CEP68: variants seen among roughly 807,000 people sequenced by gnomAD.
CEP68 encodes the protein centrosomal protein 68, also known as centrosomal protein of 68 kDa.
Under a neutral mutation model 55.3 loss-of-function variants are expected in CEP68, and 26 were observed. That is an observed-to-expected ratio of 0.47 (90% CI 0.34 to 0.65). The LOEUF (loss-of-function observed/expected upper bound fraction) is 0.65. CEP68 is among the 30% of genes least tolerant of loss of function. The pLI, the probability that CEP68 is intolerant of heterozygous loss-of-function variation, is 0.01. For missense variants in CEP68, 957 were observed against 946.7 expected (o/e 1.01, Z -0.14); for synonymous variants, 402 against 383.2 (o/e 1.05, Z -0.57).
intron 1 of CEP68, among the ~76,000 whole-genome samples, chr2:65,063,221 A>G (rs1435398629): frequency 6.6e-5 from 10 of 152,232 alleles, no homozygotes; most frequent in Non-Finnish European, 8.8e-5. Flanking sequence ...TTTAATAGCA[A>G]AGTCCAGATG....
At chr2:65,056,569 C>CT (rs1371725409) in intron 1 of CEP68, 41 bp downstream of exon 1, 1 of 388 alleles carries the variant, frequency 2.6e-3, no homozygotes, top group African/African-American at 0.083. Context: ...GTCGGGGGTG[C>CT]CGCGGCGCTG....
In CEP68 at chr2:65,061,307, A is replaced by C. The variant is rs561650323; in HGVS notation, c.-47+4779A>C. On this transcript the variant is annotated intron_variant, in intron 1 of 6. Coordinates refer to ENST00000377990, the MANE Select transcript of CEP68 (RefSeq NM_015147.3). ...AGTGAGTGAGAAGGCGAGGGAACAG[A>C]CAGCCAAGCAGCCTAGCCCACAGCC... 7.9e-5 allele frequency among the ~76,000 whole-genome samples: 12 copies of C among 152,360 alleles called. No homozygotes were observed. The East Asian group carries it at 1.9e-3, about 24-fold the overall frequency.
Position 65,072,753 on chromosome 2 carries a change from G to A in CEP68, c.1657G>A (p.Gly553Ser). The A allele has an allele frequency of 6.2e-7, 1 of 1,614,114 alleles. No homozygotes were observed. Among genetic ancestry groups the A allele is most frequent in the Non-Finnish European group, 8.5e-7 (1 of 1,180,014 alleles). ...AALQGSGDPE[G>S]QNPCFLRSFV... The stretch of plus-strand genomic sequence containing the variant: ...CCTCCAAGGATCTGGGGATCCTGAG[G>A]GCCAGAATCCCTGTTTCCTGCGCTC... The change falls in exon 3 of 7, where the codon GGC becomes AGC. Residue 553 changes from glycine (G) to serine (S), a missense_variant. Physicochemically the swap from Gly to Ser is moderately conservative, Grantham distance 56 (BLOSUM62 0). Coordinates refer to ENST00000377990, the MANE Select transcript of CEP68 (RefSeq NM_015147.3).
rs1216939459 is a variant in CEP68 at position 65,082,679 on chromosome 2, A to G, written c.2248A>G (p.Met750Val). The change falls in exon 6 of 7, where the codon ATG becomes GTG. Residue 750 changes from methionine to valine, a missense_variant. Transcript: ENST00000377990. ...CCCTGACAAAAAGCCCATGGCGGCA[A>G]TGGAGCACCCATGTGAAGGGGTTTA... ...LIPDKKPMAA[M>V]EHPCEGV 1.9e-6 allele frequency: 3 copies of G among 1,601,496 alleles called. No homozygotes were observed. Among genetic ancestry groups the G allele is most frequent in the African/African-American group, 1.4e-5 (1 of 74,072 alleles).
intron 4 of CEP68, chr2:65,074,865 A>G: frequency 4.0e-6 from 1 of 253,060 alleles, no homozygotes. Flanking sequence ...TTATAAATAC[A>G]GACTTGCACT....
chr2:65,068,287 T>C (rs2103765107), intron 1 of CEP68, among the ~76,000 whole-genome samples: 1 of 152,336 alleles, frequency 6.6e-6, no homozygotes, highest in Non-Finnish European at 1.5e-5. Flanking sequence ...CTGAGGGTGA[T>C]GTCCCTCTGT....
intron 1 of CEP68, among the ~76,000 whole-genome samples, chr2:65,063,912 T>A (rs1012914856): frequency 1.3e-5 from 2 of 152,248 alleles, no homozygotes; most frequent in Non-Finnish European, 2.9e-5. Context: ...CAGTTTTGAA[T>A]GCATTATAGA....
intron 1 of CEP68, among the ~76,000 whole-genome samples, chr2:65,066,915 CAG>C (rs1676216673): frequency 6.8e-6 from 1 of 147,676 alleles, no homozygotes; most frequent in Non-Finnish European, 1.5e-5. Context: ...GCCTGGGCAA[CAG>C]AGTGAGACTC....
intron 2 of CEP68, 93 bp downstream of exon 2, chr2:65,069,894 A>G: frequency 8.8e-7 from 1 of 1,141,704 alleles, no homozygotes; most frequent in Non-Finnish European, 1.3e-6. Context: ...TTTCCTTGCT[A>G]CTGTGCAGGG....
At position 65,086,309 on chromosome 2, in the gene CEP68, A is replaced by C. The variant is rs1669026392; in HGVS notation, c.*2675A>C. On this transcript the variant is annotated 3_prime_UTR_variant, in exon 7 of 7. Coordinates refer to ENST00000377990, the MANE Select transcript of CEP68 (RefSeq NM_015147.3). ...GTAAACTAATTTATGGCAGCACCTTATATTTAGAACAAGTGGTAATTCCCT... is the reference window on the plus strand; with the variant it reads ...GTAAACTAATTTATGGCAGCACCTTCTATTTAGAACAAGTGGTAATTCCCT... 1 of 152,226 alleles carries C rather than the reference A, an allele frequency of 6.6e-6. No homozygotes were observed. Among genetic ancestry groups the C allele is most frequent in the African/African-American group, 2.4e-5 (1 of 41,454 alleles). The allele number at this position is 152,226 out of a possible 1,614,324, so 9.4% of individuals were successfully genotyped here.
At chr2:65,065,937 C>G (rs187890074) in intron 1 of CEP68, among the ~76,000 whole-genome samples, 26 of 144,164 alleles carry the variant, frequency 1.8e-4, no homozygotes, top group Non-Finnish European at 3.0e-4. Flanking sequence ...GCCTAGGTGA[C>G]AAACCGAGAC....
chr2:65,076,872 G>C (rs1676786954), intron 4 of CEP68, among the ~76,000 whole-genome samples: 1 of 151,942 alleles, frequency 6.6e-6, no homozygotes, highest in South Asian at 2.1e-4. Context: ...TCAGGGGTTT[G>C]AGACCAGCCT....
chr2:65,081,878 G>A (rs137956154), intron 5 of CEP68, among the ~76,000 whole-genome samples: 2 of 152,316 alleles, frequency 1.3e-5, no homozygotes, highest in African/African-American at 2.4e-5. Flanking sequence ...TATATTTTTA[G>A]TAGAGACGGG....
At chr2:65,076,269 C>CT (rs1332479666) in intron 4 of CEP68, among the ~76,000 whole-genome samples, 1 of 152,178 alleles carries the variant, frequency 6.6e-6, no homozygotes, top group Admixed American at 6.5e-5. Flanking sequence ...GCTTAGTGGC[C>CT]TTTCCTGGCT....
At chr2:65,066,746 AT>A (rs1409641475) in intron 1 of CEP68, among the ~76,000 whole-genome samples, 394 of 37,264 alleles carry the variant, frequency 0.011, 4 homozygotes, top group East Asian at 0.059. Flanking sequence ...AAAAAAAAAA[AT>A]ATATATATAT....
rs115979237 is a variant in CEP68, at chr2:65,059,534, A to G, written c.-47+3006A>G. ...CTCCCTTTCAGCTGTGGTATTCTAT[A>G]ATTAGCCATTAAAAACCTGCCACAA... is the stretch of plus-strand genomic sequence containing the variant. On this transcript the variant is annotated intron_variant, in intron 1 of 6. Transcript: ENST00000377990. Among the ~76,000 whole-genome samples, 815 of 152,276 alleles carry G rather than the reference A, an allele frequency of 5.4e-3. 11 individuals carry two copies. Among genetic ancestry groups the G allele is most frequent in the African/African-American group, 0.018 (765 of 41,518 alleles).
At chr2:65,078,863 G>A (rs1052462862) in intron 5 of CEP68, among the ~76,000 whole-genome samples, 4 of 152,206 alleles carry the variant, frequency 2.6e-5, no homozygotes, top group Admixed American at 1.3e-4. Flanking sequence ...CATTTTGTAG[G>A]ATGGGTTCCC....
intron 5 of CEP68, chr2:65,080,200 T>C (rs1213138913): frequency 1.0e-6 from 1 of 974,692 alleles, no homozygotes; most frequent in East Asian, 1.1e-4. Flanking sequence ...AATTTAATAA[T>C]ACTTTTCTGT....
intron 1 of CEP68, among the ~76,000 whole-genome samples, chr2:65,068,028 C>T (rs1558558441): frequency 6.6e-6 from 1 of 152,172 alleles, no homozygotes; most frequent in Non-Finnish European, 1.5e-5. Flanking sequence ...CCTTTGCAGG[C>T]TCTCCACCAG....
Sources: gnomAD v4.1 joint callset for allele counts (sites outside exome capture counted in the v4.1 genomes callset) on GRCh38, gnomAD v4.1.1 for gene constraint, MANE v1.5 for transcripts, NCBI Gene and HGNC (gene_info 2026-07-23, HGNC 2026-07-21) for gene names.